ABCB7: variants seen among roughly 807,000 people sequenced by gnomAD.
The protein encoded by ABCB7 is ATP binding cassette subfamily B member 7, also known as iron-sulfur clusters transporter ABCB7, mitochondrial.
A neutral mutation model predicts 54.4 loss-of-function variants in ABCB7; 7 were observed. The observed-to-expected ratio is 0.13, with a 90% confidence interval of 0.07 to 0.24. ABCB7 has a LOEUF of 0.24. ABCB7 is among the 10% of genes least tolerant of loss of function. The pLI, the probability that ABCB7 is intolerant of heterozygous loss-of-function variation, is 1.00. For synonymous variants in ABCB7, 218 were observed against 207.1 expected, an observed-to-expected ratio of 1.05 and a Z score of -0.45; for missense variants, 356 against 570.4, an observed-to-expected ratio of 0.62 and a Z score of 3.83.
chrX:75,058,490 A>G (rs772717102), intron 15 of ABCB7, among the ~76,000 whole-genome samples: 61 of 112,133 alleles, frequency 5.4e-4, no homozygotes, highest in Non-Finnish European at 9.0e-4. Flanking sequence ...TAACACTACT[A>G]CAAGAAATTG....
intron 15 of ABCB7, among the ~76,000 whole-genome samples, chrX:75,055,553 C>CAAA (rs59851777): frequency 9.2e-5 from 2 of 21,742 alleles, no homozygotes; most frequent in Non-Finnish European, 2.2e-4. Context: ...CCATCTCTAC[C>CAAA]AAAAAAAAAA....
At position 75,112,887 on chromosome X, in the gene ABCB7, C is replaced by G; in HGVS notation, c.332G>C (p.Gly111Ala). ...CAGTTACTTGTTACTGGCTCTTACC[C>G]CTTCTTTTGGGTCTGTGTGGAGTCC... The part of the protein sequence containing the change: ...GGGLHTDPKE[G>A]LKDVDTRKII... Residue 111 changes from glycine (G) to alanine (A), a missense_variant and splice_region_variant, in exon 3 of 16, where the codon GGG (glycine) becomes GCG (alanine). Coordinates refer to ENST00000373394, the MANE Select transcript of ABCB7 (RefSeq NM_001271696.3). 8.3e-7 allele frequency: 1 copy of G among 1,206,315 alleles called. No homozygotes were observed. Among genetic ancestry groups the G allele is most frequent in the Non-Finnish European group, 1.1e-6 (1 of 891,111 alleles).
chrX:75,101,281 T>G (rs1163454082), intron 3 of ABCB7, among the ~76,000 whole-genome samples: 1 of 109,594 alleles, frequency 9.1e-6, no homozygotes, highest in African/African-American at 3.3e-5. Flanking sequence ...AATATAAAAC[T>G]AACCTGTATT....
At chrX:75,071,253 A>C (rs774688630) in intron 9 of ABCB7, among the ~76,000 whole-genome samples, 1 of 111,294 alleles carries the variant, frequency 9.0e-6, no homozygotes, top group Non-Finnish European at 1.9e-5. Context: ...ACTAAAAAAA[A>C]AAGTTGTTCT....
chrX:75,136,589 C>A (rs187171169), intron 1 of ABCB7, among the ~76,000 whole-genome samples: 110 of 110,311 alleles, frequency 1.0e-3, no homozygotes, highest in Non-Finnish European at 1.2e-3. Flanking sequence ...ACAACAACAA[C>A]AAAAAAGCTG....
At chrX:75,056,079 A>G (rs1369137954) in intron 15 of ABCB7, among the ~76,000 whole-genome samples, 1 of 111,687 alleles carries the variant, frequency 9.0e-6, no homozygotes, top group Non-Finnish European at 1.9e-5. Flanking sequence ...CATTACTGAT[A>G]TTAGGTTTGA....
intron 4 of ABCB7, among the ~76,000 whole-genome samples, chrX:75,088,154 C>T (rs1187237864): frequency 8.9e-6 from 1 of 112,046 alleles, no homozygotes; most frequent in African/African-American, 3.2e-5. Context: ...AGAGGAAATT[C>T]TAGCCTCTGA....
Position 75,059,485 on chromosome X carries a change from C to A in ABCB7, c.2043+738G>T, listed in dbSNP as rs908157871. On this transcript the variant is annotated intron_variant, in intron 15 of 15. Transcript: ENST00000373394. ...CTGCCTCAAAAAGGAAAAAAAAAAA[C>A]CAAAATGATAAAGAATTGAAGATAT... Among the ~76,000 whole-genome samples the A allele has an allele frequency of 1.2e-4, 13 of 107,959 alleles. No homozygotes were observed. In the East Asian group the frequency reaches 1.7e-3, roughly 14 times the overall value. The allele number at this position is 107,959 out of a possible 115,157, so 93.7% of individuals were successfully genotyped here. A position where few individuals can be genotyped will look rare whatever the true frequency, so the allele number is the denominator to read the frequency against.
chrX:75,075,292 G>A, intron 6 of ABCB7, 70 bp downstream of exon 6: 1 of 1,138,871 alleles, frequency 8.8e-7, no homozygotes, highest in Non-Finnish European at 1.2e-6. Context: ...CAGTACAACA[G>A]CTTCAAATAT....
chrX:75,151,225 T>C (rs980787700), intron 1 of ABCB7, among the ~76,000 whole-genome samples: 13 of 111,900 alleles, frequency 1.2e-4, no homozygotes, highest in Non-Finnish European at 2.4e-4. Context: ...TTAGAGAATG[T>C]TATTTATTCA....
chrX:75,152,875 G>A (rs1012087373), intron 1 of ABCB7, among the ~76,000 whole-genome samples: 2 of 109,996 alleles, frequency 1.8e-5, no homozygotes, highest in Non-Finnish European at 3.8e-5. Context: ...GGTCAGGCTG[G>A]TCTCGAGCTC....
intron 3 of ABCB7, among the ~76,000 whole-genome samples, chrX:75,100,272 T>A (rs1285530641): frequency 9.0e-6 from 1 of 110,677 alleles, no homozygotes; most frequent in African/African-American, 3.3e-5. Context: ...AAGTTCACCC[T>A]GCAATCAGAT....
rs150492174 is a variant in ABCB7, at chrX:75,101,408, C to T, written c.334-2347G>A. ...TTTTCTAGTCTTTTAGGCAGTTTAT[C>T]GCATAAAGAGTATTAGAAATAAAAT... On this transcript the variant is annotated intron_variant, in intron 3 of 15. Coordinates refer to ENST00000373394, the MANE Select transcript of ABCB7 (RefSeq NM_001271696.3). Among the ~76,000 whole-genome samples the T allele has an allele frequency of 2.9e-3, 323 of 109,999 alleles. 1 individual carries two copies. Among genetic ancestry groups the T allele is most frequent in the African/African-American group, 9.8e-3 (297 of 30,406 alleles).
At position 75,084,180 on chromosome X, in the gene ABCB7, G is replaced by A. The variant is rs1334309002; in HGVS notation, c.454-7526C>T. Among the ~76,000 whole-genome samples, 3 of 111,701 alleles carry A rather than the reference G, an allele frequency of 2.7e-5. No individual in the cohort carries two copies. The East Asian group carries it at 8.5e-4, about 31-fold the overall frequency. On this transcript the variant is annotated intron_variant, in intron 4 of 15. Transcript: ENST00000373394. ...GATTTTCCTCAAGAGTTTCTGGAGG[G>A]AGCACAGCCATGCCAAATATCTTTA...
intron 1 of ABCB7, among the ~76,000 whole-genome samples, chrX:75,115,148 G>A (rs1040842733): frequency 9.4e-5 from 10 of 106,434 alleles, no homozygotes; most frequent in Admixed American, 8.1e-4. Context: ...TGCGCCTGTA[G>A]TCCCAGTTAC....
At chrX:75,115,324 G>A (rs2081804108) in intron 1 of ABCB7, among the ~76,000 whole-genome samples, 1 of 99,332 alleles carries the variant, frequency 1.0e-5, no homozygotes, top group African/African-American at 3.7e-5. Context: ...TTTGTGGTCC[G>A]GGTATGAAGT....
intron 1 of ABCB7, among the ~76,000 whole-genome samples, chrX:75,145,528 A>G (rs996734645): frequency 8.9e-6 from 1 of 111,890 alleles, no homozygotes; most frequent in African/African-American, 3.3e-5. Flanking sequence ...AAAATTCAAC[A>G]TCTATTCATG....
intron 1 of ABCB7, among the ~76,000 whole-genome samples, chrX:75,118,091 T>G (rs1206403785): frequency 8.9e-6 from 1 of 112,313 alleles, no homozygotes; most frequent in African/African-American, 3.2e-5. Flanking sequence ...TACCTTAAGA[T>G]AGAACATGGG....
intron 1 of ABCB7, among the ~76,000 whole-genome samples, chrX:75,131,437 G>A (rs1385559125): frequency 9.0e-6 from 1 of 111,275 alleles, no homozygotes; most frequent in Non-Finnish European, 1.9e-5. Context: ...AAAAGCATAT[G>A]ATGGGGGAGA....
Sources: gnomAD v4.1 joint callset for allele counts (sites outside exome capture counted in the v4.1 genomes callset) on GRCh38, gnomAD v4.1.1 for gene constraint, MANE v1.5 for transcripts, NCBI Gene and HGNC (gene_info 2026-07-23, HGNC 2026-07-21) for gene names.